Variants in PHLPP1 observed in about 807,000 individuals in gnomAD.
PHLPP1 encodes the protein PH domain leucine-rich repeat-containing protein phosphatase 1.
In PHLPP1, 42 loss-of-function variants were observed where a neutral mutation model predicts 117.2. The ratio of observed to expected loss-of-function variants is 0.36; its 90% CI spans 0.28 to 0.46. The LOEUF is 0.46. PHLPP1 is among the 20% of genes least tolerant of loss of function. PHLPP1 has a pLI of 1.00. For missense variants in PHLPP1, 2,084 were observed against 2,241.9 expected (o/e 0.93, Z 1.42); for synonymous variants, 1,042 against 970.7 (o/e 1.07, Z -1.37).
At chr18:62,857,750 T>C (rs768302706) in intron 3 of PHLPP1, among the ~76,000 whole-genome samples, 5 of 152,352 alleles carry the variant, frequency 3.3e-5, no homozygotes, top group Admixed American at 6.5e-5. Flanking sequence ...GTAACAGTTA[T>C]CATGTAGTAT....
intron 1 of PHLPP1, chr18:62,825,398 T>C (rs963086652): frequency 5.4e-5 from 8 of 147,540 alleles, no homozygotes; most frequent in African/African-American, 2.0e-4. Context: ...ATTATATAAA[T>C]ATATATTATA....
chr18:62,951,905 C>T (rs1910470980), intron 12 of PHLPP1, among the ~76,000 whole-genome samples: 4 of 151,016 alleles, frequency 2.6e-5, no homozygotes, highest in Admixed American at 2.6e-4. Flanking sequence ...AGCTCTGCCT[C>T]CCGGGTTCAC....
rs369049285 is a variant in PHLPP1, at chr18:62,881,719, C to T, written c.2067-13292C>T. Among the ~76,000 whole-genome samples, 3 of 152,296 alleles carry T rather than the reference C, an allele frequency of 2.0e-5. No homozygotes were observed. The South Asian group carries it at 6.2e-4, about 32-fold the overall frequency. ...GCTCACTGGGAACAAGGCTGGTGGA[C>T]TCCTTGGCCCTTGGAACAGAAGGGC... On this transcript the variant is annotated intron_variant, in intron 4 of 16. Coordinates refer to ENST00000262719, the MANE Select transcript of PHLPP1 (RefSeq NM_194449.4).
chr18:62,867,644 G>A (rs1238966859), intron 4 of PHLPP1, among the ~76,000 whole-genome samples: 3 of 152,058 alleles, frequency 2.0e-5, no homozygotes, highest in Non-Finnish European at 4.4e-5. Context: ...CTGGAGCCAG[G>A]GTATGTGCTT....
intron 12 of PHLPP1, among the ~76,000 whole-genome samples, chr18:62,946,119 A>T (rs1056350474): frequency 2.0e-5 from 3 of 152,250 alleles, no homozygotes; most frequent in African/African-American, 7.2e-5. Context: ...GACTTGGAGC[A>T]TATTCTAATC....
intron 3 of PHLPP1, among the ~76,000 whole-genome samples, chr18:62,854,845 C>T (rs1599084626): frequency 6.6e-6 from 1 of 151,930 alleles, no homozygotes; most frequent in East Asian, 1.9e-4. Flanking sequence ...TACAGGCACC[C>T]ACCACCACGC....
chr18:62,952,722 G>A (rs1396799339), intron 12 of PHLPP1, among the ~76,000 whole-genome samples: 1 of 152,134 alleles, frequency 6.6e-6, no homozygotes. Flanking sequence ...AACTTCCTTG[G>A]CTCACAGGAA....
At chr18:62,962,393 C>A (rs1910796220) in intron 13 of PHLPP1, among the ~76,000 whole-genome samples, 1 of 152,138 alleles carries the variant, frequency 6.6e-6, no homozygotes, top group South Asian at 2.1e-4. Flanking sequence ...CCGCAACCTC[C>A]ACCTCCCGAG....
chr18:62,731,350 C>T (rs1363464518), intron 1 of PHLPP1: 1 of 152,098 alleles, frequency 6.6e-6, no homozygotes, highest in Non-Finnish European at 1.5e-5. Context: ...ATTGTTATAT[C>T]TGTTAAGGTG....
Position 62,860,470 on chromosome 18 carries a change from G to A in PHLPP1, c.1935G>A (p.Ser645=), listed in dbSNP as rs1273575468. 8.7e-6 allele frequency: 14 copies of A among 1,613,786 alleles called. No individual in the cohort carries two copies. Among genetic ancestry groups the A allele is most frequent in the East Asian group, 4.5e-5 (2 of 44,896 alleles). The change falls in exon 4 of 17, where the codon TCG becomes TCA. Residue 645 remains serine (S), a synonymous_variant. Transcript: ENST00000262719. The part of the protein sequence containing the change: ...ASQRISSVDL[S]CCSLEHLPAN... Reference sequence around the variant, plus strand: ...AGCGCATTAGCTCAGTGGACCTCTCGTGTTGTAGCCTGGAACATCTGCCTG... The same window carrying A: ...AGCGCATTAGCTCAGTGGACCTCTCATGTTGTAGCCTGGAACATCTGCCTG...
chr18:62,830,343 C>G (rs747928491), intron 2 of PHLPP1, 112 bp downstream of exon 2: 23 of 799,374 alleles, frequency 2.9e-5, no homozygotes, highest in South Asian at 1.5e-4. Flanking sequence ...TGAGTTCAAG[C>G]GATTCTCCTG....
At chr18:62,874,145 T>C (rs1386230654) in intron 4 of PHLPP1, among the ~76,000 whole-genome samples, 16 of 149,842 alleles carry the variant, frequency 1.1e-4, no homozygotes, top group East Asian at 2.0e-4. Flanking sequence ...GATCACGCCA[T>C]TGCACTCCAG....
chr18:62,802,264 G>T (rs1252752802), intron 1 of PHLPP1, among the ~76,000 whole-genome samples: 1 of 152,210 alleles, frequency 6.6e-6, no homozygotes, highest in Non-Finnish European at 1.5e-5. Context: ...AGGAACTGCA[G>T]AGCTGAGCCT....
At chr18:62,908,626 A>G (rs62098655) in intron 8 of PHLPP1, among the ~76,000 whole-genome samples, 6,226 of 12,776 alleles carry the variant, frequency 0.49, 1,856 homozygotes, top group Admixed American at 0.53. Context: ...CACCCAATAC[A>G]GGAGCACCCA....
intron 10 of PHLPP1, among the ~76,000 whole-genome samples, chr18:62,927,467 T>G (rs1909669301): frequency 6.6e-6 from 1 of 152,128 alleles, no homozygotes; most frequent in Non-Finnish European, 1.5e-5. Context: ...CAAGTGAACA[T>G]TTTATGATAT....
At chr18:62,967,308 G>A (rs1910930510) in intron 14 of PHLPP1, among the ~76,000 whole-genome samples, 1 of 152,102 alleles carries the variant, frequency 6.6e-6, no homozygotes, top group Non-Finnish European at 1.5e-5. Context: ...ATTTACTTTT[G>A]TAAGAAACTG....
chr18:62,875,801 C>T (rs1469348976), intron 4 of PHLPP1, among the ~76,000 whole-genome samples: 1 of 151,876 alleles, frequency 6.6e-6, no homozygotes, highest in African/African-American at 2.4e-5. Context: ...GACACGATTT[C>T]AGCTCACTGC....
rs1317409151 is a variant in PHLPP1 at position 62,716,855 on chromosome 18, C to T, written c.1172C>T (p.Pro391Leu). 5.3e-6 allele frequency: 8 copies of T among 1,522,020 alleles called. No individual in the cohort carries two copies. Among genetic ancestry groups the T allele is most frequent in the Middle Eastern group, 1.7e-4 (1 of 5,912 alleles). 94.3% of individuals were successfully genotyped at this position (1,522,020 alleles called of 1,614,324 possible). Residue 391 changes from proline (P) to leucine (L), a missense_variant, in exon 1 of 17, where the codon CCG becomes CTG. This residue lies in a region of PHLPP1 where 719 missense variants were observed against 636.0 expected (regional missense o/e 1.13). Coordinates refer to ENST00000262719, the MANE Select transcript of PHLPP1 (RefSeq NM_194449.4). This position sits in a 1 kb window ranked among gnomAD's most constrained non-coding sequence, Gnocchi z 5.7. ...ADAASAPTGV[P>L]GQPRRPGHPA... ...GCAGCCTCGGCCCCGACGGGGGTCC[C>T]GGGCCAGCCCCGCCGTCCCGGCCAC...
chr18:62,751,986 AG>A (rs1911869331), intron 1 of PHLPP1, among the ~76,000 whole-genome samples: 1 of 152,218 alleles, frequency 6.6e-6, no homozygotes, highest in Non-Finnish European at 1.5e-5. Flanking sequence ...ATATGAGGGT[AG>A]GGGGCATTGG....
Sources: gnomAD v4.1 joint callset for allele counts (sites outside exome capture counted in the v4.1 genomes callset) on GRCh38, gnomAD v4.1.1 for gene constraint, gnomAD v4.1.1 regional missense constraint, Gnocchi (gnomAD v3.1) non-coding constraint, MANE v1.5 for transcripts, NCBI Gene and HGNC (gene_info 2026-07-23, HGNC 2026-07-21) for gene names.